The following EFCAB14 variants were observed in gnomAD, a reference collection of about 807,000 sequenced individuals.
EFCAB14 encodes EF-hand calcium binding domain 14, also known as EF-hand calcium-binding domain-containing protein 14.
A neutral mutation model predicts 56.5 loss-of-function variants in EFCAB14; 43 were observed. That is an observed-to-expected ratio of 0.76 (90% confidence interval 0.60 to 0.98). EFCAB14 has a LOEUF of 0.98. Among genes scored for constraint, EFCAB14 ranks in the 50% least tolerant of loss-of-function variants. The pLI, the probability that EFCAB14 is intolerant of heterozygous loss-of-function variation, is 0.00. For synonymous variants in EFCAB14, 235 were observed against 212.9 expected (o/e 1.10, Z -0.90); for missense variants, 538 against 580.3 (o/e 0.93, Z 0.75).
At chr1:46,705,231 T>C (rs535997811) in intron 3 of EFCAB14, among the ~76,000 whole-genome samples, 1 of 152,232 alleles carries the variant, frequency 6.6e-6, no homozygotes, top group Non-Finnish European at 1.5e-5. Context: ...ACCAATGCTC[T>C]GGGCCTGCGC....
chr1:46,711,566 A>T (rs943909554), intron 2 of EFCAB14, among the ~76,000 whole-genome samples: 1 of 151,534 alleles, frequency 6.6e-6, no homozygotes, highest in African/African-American at 2.4e-5. Flanking sequence ...CAAGTCAAGT[A>T]GAGGTACTTT....
chr1:46,715,938 A>G (rs574101131), intron 2 of EFCAB14, among the ~76,000 whole-genome samples: 3 of 152,262 alleles, frequency 2.0e-5, no homozygotes, highest in African/African-American at 7.2e-5. Flanking sequence ...AAAGGAGTCC[A>G]GGATTACACC....
intron 4 of EFCAB14, among the ~76,000 whole-genome samples, chr1:46,692,529 T>TA (rs1222077851): frequency 9.2e-5 from 14 of 152,220 alleles, no homozygotes; most frequent in Non-Finnish European, 1.5e-5. Flanking sequence ...CTTCACTTGT[T>TA]AAAAAACTGC....
chr1:46,682,493 C>G (rs773766637), intron 10 of EFCAB14, among the ~76,000 whole-genome samples: 1 of 152,104 alleles, frequency 6.6e-6, no homozygotes, highest in South Asian at 2.1e-4. Flanking sequence ...GTAAAAGGGT[C>G]CTTCATTTTT....
chr1:46,691,909 T>C lies in EFCAB14; in HGVS notation c.608A>G (p.Asn203Ser). ...TGCTTCCACAGCAAGATGGACGCTG[T>C]TTAAAGTATTGCCAATGGAAGCTAC... ...KSVASIGNTLNSVHLAVEALQ... is the reference protein window; with the variant it reads ...KSVASIGNTLSSVHLAVEALQ... Residue 203 changes from asparagine (N) to serine (S), a missense_variant, in exon 5 of 11, where the codon AAC becomes AGC. Physicochemically the swap from Asn to Ser is conservative, Grantham distance 46. Transcript: ENST00000371933. 2.5e-6 allele frequency: 4 copies of C among 1,613,490 alleles called. No individual in the cohort carries two copies. The Middle Eastern group carries it at 6.6e-4, about 267-fold the overall frequency.
At chr1:46,716,675 G>A (rs918786998) in intron 1 of EFCAB14, among the ~76,000 whole-genome samples, 2 of 152,190 alleles carry the variant, frequency 1.3e-5, no homozygotes, top group African/African-American at 4.8e-5. Flanking sequence ...AGTTCCTGCA[G>A]GTAAAAGGAA....
intron 4 of EFCAB14, among the ~76,000 whole-genome samples, 188 bp downstream of exon 4, chr1:46,696,363 C>T (rs1188423088): frequency 6.6e-6 from 1 of 152,130 alleles, no homozygotes; most frequent in Non-Finnish European, 1.5e-5. Context: ...CCTAACTAAC[C>T]AGACCAAAAC....
chr1:46,687,723 T>A (rs1407843333), intron 7 of EFCAB14, among the ~76,000 whole-genome samples: 8 of 152,220 alleles, frequency 5.3e-5, no homozygotes, highest in Non-Finnish European at 1.5e-5. Context: ...CTGCACATTT[T>A]ATTCACAACA....
intron 3 of EFCAB14, among the ~76,000 whole-genome samples, chr1:46,700,173 A>T (rs1677134749): frequency 6.6e-6 from 1 of 152,246 alleles, no homozygotes; most frequent in South Asian, 2.1e-4. Flanking sequence ...GTTTTAGGCC[A>T]CTAAGTTTTG....
Position 46,686,788 on chromosome 1 carries a change from A to T in EFCAB14, c.1070T>A (p.Ile357Lys), listed in dbSNP as rs1003045936. The T allele has an allele frequency of 1.2e-6, 2 of 1,613,548 alleles. No homozygotes were observed. The highest frequency in any genetic ancestry group is 2.7e-5 in the African/African-American group (2 of 74,914). ...NRTDTVKIQS[I>K]KKEDSSNSQV... ...GGTAAGCCTCCCATTATTTACCTTTATGCTTTGGATTTTTACTGTATCTGT... is the reference window on the plus strand; with the variant it reads ...GGTAAGCCTCCCATTATTTACCTTTTTGCTTTGGATTTTTACTGTATCTGT... The change falls in exon 8 of 11, where the codon ATA (isoleucine) becomes AAA (lysine). Residue 357 changes from isoleucine (I) to lysine (K), a missense_variant. By Grantham distance (102) the Ile-to-Lys change is moderately radical (BLOSUM62 -3). Transcript: ENST00000371933.
intron 10 of EFCAB14, among the ~76,000 whole-genome samples, chr1:46,680,768 G>C (rs1480602650): frequency 6.6e-6 from 1 of 152,106 alleles, no homozygotes; most frequent in East Asian, 1.9e-4. Context: ...AAGAACCAGA[G>C]GAATTATCTC....
At chr1:46,684,461 GA>G (rs1356790024) in intron 9 of EFCAB14, 29 bp downstream of exon 9, 1 of 1,584,442 alleles carries the variant, frequency 6.3e-7, no homozygotes, top group Non-Finnish European at 8.7e-7. Context: ...AAGCCTCCAT[GA>G]AATATTAAGA....
At position 46,691,831 on chromosome 1, in the gene EFCAB14, T is replaced by A. The variant is rs1557443467; in HGVS notation, c.686A>T (p.Asp229Val). 6.2e-7 allele frequency: 1 copy of A among 1,612,312 alleles called. No individual in the cohort carries two copies. Among genetic ancestry groups the A allele is most frequent in the African/African-American group, 1.3e-5 (1 of 74,958 alleles). Residue 229 changes from aspartate to valine, a missense_variant, in exon 5 of 11, where the codon GAT becomes GTT. Physicochemically the swap from Asp to Val is radical, Grantham distance 152. Coordinates refer to ENST00000371933, the MANE Select transcript of EFCAB14 (RefSeq NM_014774.3). ...HKKTMELLQS[D>V]MNQHFLKETP... The stretch of plus-strand genomic sequence containing the variant: ...TGACTTGCTGGGTCTCCTTACCATA[T>A]CACTCTGCAGTAATTCCATCGTTTT...
At position 46,675,300 on chromosome 1, in the gene EFCAB14, T is replaced by C. The variant is rs1676676124; in HGVS notation, c.*3161A>G. The C allele has an allele frequency of 6.6e-6, 1 of 152,580 alleles. No homozygotes were observed. The highest frequency in any genetic ancestry group is 2.1e-4 in the South Asian group (1 of 4,826). 9.5% of individuals were successfully genotyped at this position (152,580 alleles called of 1,614,324 possible). A position where few individuals can be genotyped will look rare whatever the true frequency, so the allele number is the denominator to read the frequency against. ...CAAAATTGCTTATACATTACCAAAATAGCTTCACTAAAACAAAGTAGATTT... is the reference window on the plus strand; with the variant it reads ...CAAAATTGCTTATACATTACCAAAACAGCTTCACTAAAACAAAGTAGATTT... On this transcript the variant is annotated 3_prime_UTR_variant, in exon 11 of 11. Coordinates refer to ENST00000371933, the MANE Select transcript of EFCAB14 (RefSeq NM_014774.3).
chr1:46,705,595 C>T (rs1319726328), intron 3 of EFCAB14, among the ~76,000 whole-genome samples: 5 of 152,106 alleles, frequency 3.3e-5, no homozygotes, highest in African/African-American at 1.2e-4. Flanking sequence ...TGAGTGTGAG[C>T]GTGTGTATGA....
intron 7 of EFCAB14, among the ~76,000 whole-genome samples, chr1:46,687,141 C>T (rs1330736692): frequency 6.6e-6 from 1 of 152,142 alleles, no homozygotes; most frequent in Non-Finnish European, 1.5e-5. Flanking sequence ...AAATACCATG[C>T]TGAGCACGAT....
At chr1:46,715,003 T>A (rs894072881) in intron 2 of EFCAB14, among the ~76,000 whole-genome samples, 3 of 152,226 alleles carry the variant, frequency 2.0e-5, no homozygotes, top group African/African-American at 7.2e-5. Flanking sequence ...CACGAGTATG[T>A]AACTTAGTTC....
chr1:46,695,354 T>C lies in EFCAB14; in HGVS notation c.579+1197A>G, dbSNP rs535054147. On this transcript the variant is annotated intron_variant, in intron 4 of 10. Transcript: ENST00000371933. ...GGCAAGAATCTGGCCTCATCAGAGT[T>C]GTCCCTACCCCTTTTTTTTCCCCCC... Among the ~76,000 whole-genome samples the C allele has an allele frequency of 3.3e-5, 5 of 150,402 alleles. No individual in the cohort carries two copies. The South Asian group carries it at 8.5e-4, about 25-fold the overall frequency.
intron 6 of EFCAB14, among the ~76,000 whole-genome samples, chr1:46,688,922 A>G (rs1356712187): frequency 6.6e-6 from 1 of 152,222 alleles, no homozygotes; most frequent in Non-Finnish European, 1.5e-5. Context: ...CCTCAGGAAC[A>G]ATACCGATTA....
Sources: allele counts gnomAD v4.1 joint callset (sites outside exome capture counted in the v4.1 genomes callset), GRCh38; gene constraint gnomAD v4.1.1; transcripts MANE v1.5; gene names NCBI Gene and HGNC (gene_info 2026-07-23, HGNC 2026-07-21).